Variants in ZNF10 observed in about 807,000 individuals in gnomAD.
The protein encoded by ZNF10 is zinc finger protein 10 (KOX 1).
A neutral mutation model predicts 12.2 loss-of-function variants in ZNF10; 8 were observed. That is an observed-to-expected ratio of 0.66 (90% CI 0.39 to 1.18). ZNF10 has a LOEUF of 1.18. Ranked by LOEUF, ZNF10 falls within the 50% of genes most tolerant of loss-of-function variation. The pLI, the probability that ZNF10 is intolerant of heterozygous loss-of-function variation, is 0.01. For synonymous variants in ZNF10, 229 were observed against 228.2 expected (o/e 1.00, Z -0.03); for missense variants, 603 against 678.9 (o/e 0.89, Z 1.24).
chr12:133,152,088 T>C (rs1402090545), intron 4 of ZNF10, among the ~76,000 whole-genome samples, 184 bp downstream of exon 4: 1 of 152,234 alleles, frequency 6.6e-6, no homozygotes, highest in Non-Finnish European at 1.5e-5. Context: ...AGGCAAAGGT[T>C]TCTCTGTCTG....
At chr12:133,136,999 G>C (rs1194014364) in intron 1 of ZNF10, among the ~76,000 whole-genome samples, 1 of 151,988 alleles carries the variant, frequency 6.6e-6, no homozygotes, top group Non-Finnish European at 1.5e-5. Flanking sequence ...AAAACCAATC[G>C]CATCATTTCT....
At chr12:133,154,321 AAG>A (rs1295184258) in intron 4 of ZNF10, among the ~76,000 whole-genome samples, 1 of 152,202 alleles carries the variant, frequency 6.6e-6, no homozygotes, top group Non-Finnish European at 1.5e-5. Flanking sequence ...CAGAAATTCT[AAG>A]AGCGTATGGG....
At chr12:133,146,682 C>T (rs1317630689) in intron 2 of ZNF10, among the ~76,000 whole-genome samples, 10 of 151,948 alleles carry the variant, frequency 6.6e-5, no homozygotes. Context: ...CCCGTCTCTA[C>T]TAAAAATACA....
chr12:133,141,924 T>C (rs941138299), intron 1 of ZNF10, among the ~76,000 whole-genome samples: 1 of 151,736 alleles, frequency 6.6e-6, no homozygotes, highest in Non-Finnish European at 1.5e-5. Flanking sequence ...AGAGAAAATC[T>C]CAAAAGCAGC....
chr12:133,156,577 G>A lies in ZNF10; in HGVS notation c.1331G>A (p.Arg444Gln), dbSNP rs1386775875. 6.2e-7 allele frequency: 1 copy of A among 1,613,362 alleles called. No individual in the cohort carries two copies. The change falls in exon 5 of 5, where the codon CGA becomes CAA. Residue 444 changes from arginine (R) to glutamine (Q), a missense_variant. Transcript: ENST00000248211. ...AAGGATTGTGGAAAATGTTTTAGTCGAAGCTCTCACCTTTATTCACATCAA... is the reference window on the plus strand; with the variant it reads ...AAGGATTGTGGAAAATGTTTTAGTCAAAGCTCTCACCTTTATTCACATCAA... ...ECKDCGKCFS[R>Q]SSHLYSHQRT... is the part of the protein sequence containing the mutation.
chr12:133,146,918 A>G (rs1482836651), intron 2 of ZNF10, among the ~76,000 whole-genome samples: 1 of 151,854 alleles, frequency 6.6e-6, no homozygotes, highest in African/African-American at 2.4e-5. Flanking sequence ...GCCCCTGTGT[A>G]TATAGTCCAT....
intron 1 of ZNF10, among the ~76,000 whole-genome samples, chr12:133,131,181 C>G (rs1455367498): frequency 6.6e-6 from 1 of 151,082 alleles, no homozygotes; most frequent in African/African-American, 2.4e-5. Flanking sequence ...AAAACAAATC[C>G]TGCATCTCTA....
At position 133,156,649 on chromosome 12, in the gene ZNF10, A is replaced by G. The variant is rs1162151525; in HGVS notation, c.1403A>G (p.Lys468Arg). ...CCATATGAGTGTCATGATTGTGGAA[A>G]ATCTTTCAGCCAGAGTTCTGCCCTT... ...EKPYECHDCG[K>R]SFSQSSALIV... Residue 468 changes from lysine to arginine, a missense_variant, in exon 5 of 5, where the codon AAA (lysine) becomes AGA (arginine). Transcript: ENST00000248211. 1 of 1,614,126 alleles carries G rather than the reference A, an allele frequency of 6.2e-7. No homozygotes were observed. The highest frequency in any genetic ancestry group is 8.5e-7 in the Non-Finnish European group (1 of 1,180,008).
At chr12:133,140,546 C>T (rs1478885334) in intron 1 of ZNF10, among the ~76,000 whole-genome samples, 1 of 150,846 alleles carries the variant, frequency 6.6e-6, no homozygotes, top group Non-Finnish European at 1.5e-5. Flanking sequence ...TATTTTATCT[C>T]TCTTGGTCTT....
intron 1 of ZNF10, among the ~76,000 whole-genome samples, chr12:133,134,645 C>T (rs540748558): frequency 1.2e-4 from 18 of 152,220 alleles, no homozygotes; most frequent in African/African-American, 3.6e-4. Context: ...CTAATATAGC[C>T]CTCTGTCCTT....
At chr12:133,134,818 T>TTTG (rs748500755) in intron 1 of ZNF10, among the ~76,000 whole-genome samples, 1 of 151,960 alleles carries the variant, frequency 6.6e-6, no homozygotes, top group Non-Finnish European at 1.5e-5. Context: ...TTATATAGTC[T>TTTG]TCTAGGAGAT....
At chr12:133,144,962 A>C in intron 2 of ZNF10, 1 of 405,540 alleles carries the variant, frequency 2.5e-6, no homozygotes, top group South Asian at 1.8e-5. Flanking sequence ...AGCTCACTGC[A>C]ACCTCCACCT....
Position 133,156,631 on chromosome 12 carries a change from A to T in ZNF10, c.1385A>T (p.Glu462Val). 1 of 1,614,078 alleles carries T rather than the reference A, an allele frequency of 6.2e-7. No homozygotes were observed. Among genetic ancestry groups the T allele is most frequent in the South Asian group, 1.1e-5 (1 of 91,076 alleles). The change falls in exon 5 of 5, where the codon GAG becomes GTG. Residue 462 changes from glutamate (E) to valine (V), a missense_variant. Physicochemically the swap from Glu to Val is moderately radical, Grantham distance 121. This residue lies in a region of ZNF10 where 204 missense variants were observed against 262.8 expected (regional missense o/e 0.78). Coordinates refer to ENST00000248211, the MANE Select transcript of ZNF10 (RefSeq NM_015394.5). ...ACCCACACTGGAGAGAAACCATATG[A>T]GTGTCATGATTGTGGAAAATCTTTC... The part of the protein sequence containing the change: ...QRTHTGEKPY[E>V]CHDCGKSFSQ...
intron 2 of ZNF10, among the ~76,000 whole-genome samples, chr12:133,145,518 A>T (rs1267527398): frequency 1.3e-5 from 2 of 152,164 alleles, no homozygotes; most frequent in African/African-American, 4.8e-5. Context: ...TCCAAAATTT[A>T]AGGTATATAG....
At chr12:133,137,227 T>G (rs980469038) in intron 1 of ZNF10, among the ~76,000 whole-genome samples, 1 of 152,224 alleles carries the variant, frequency 6.6e-6, no homozygotes, top group Non-Finnish European at 1.5e-5. Flanking sequence ...CTGGTTTTTT[T>G]TGGGGCTACT....
At chr12:133,139,531 CAG>C (rs1417504326) in intron 1 of ZNF10, among the ~76,000 whole-genome samples, 3 of 152,120 alleles carry the variant, frequency 2.0e-5, no homozygotes, top group African/African-American at 4.8e-5. Context: ...GAATTTTAAA[CAG>C]GGAGTGAAAC....
Position 133,156,296 on chromosome 12 carries a change from A to G in ZNF10, c.1050A>G (p.Thr350=). The G allele has an allele frequency of 1.2e-6, 2 of 1,614,124 alleles. No individual in the cohort carries two copies. The highest frequency in any genetic ancestry group is 1.7e-6 in the Non-Finnish European group (2 of 1,179,992). ...QRTHTGDKLY[T]CNQCGKSFVH... is the part of the protein sequence containing the mutation. ...CTCATACAGGAGACAAACTGTACAC[A>G]TGTAATCAGTGTGGGAAATCTTTTG... Residue 350 remains threonine, a synonymous_variant, in exon 5 of 5, where the codon ACA becomes ACG. Coordinates refer to ENST00000248211, the MANE Select transcript of ZNF10 (RefSeq NM_015394.5).
At chr12:133,143,886 T>G (rs562033776) in intron 1 of ZNF10, 1 of 152,406 alleles carries the variant, frequency 6.6e-6, no homozygotes, top group South Asian at 2.1e-4. Context: ...AAGCTCACTC[T>G]TCTTGGCAGA....
chr12:133,145,540 T>A (rs999774141), intron 2 of ZNF10, among the ~76,000 whole-genome samples: 30 of 152,188 alleles, frequency 2.0e-4, no homozygotes, highest in African/African-American at 6.8e-4. Context: ...CCAGGTGCGG[T>A]GGCTCATACC....
Sources: allele counts gnomAD v4.1 joint callset (sites outside exome capture counted in the v4.1 genomes callset), GRCh38; gene constraint gnomAD v4.1.1; regional missense constraint gnomAD v4.1.1; transcripts MANE v1.5; gene names NCBI Gene and HGNC (gene_info 2026-07-23, HGNC 2026-07-21).